Variants in DNAH8 observed in about 807,000 individuals in gnomAD.
DNAH8 encodes axonemal beta dynein heavy chain 8.
In DNAH8, 382 loss-of-function variants were observed where a neutral mutation model predicts 562.1. The ratio of observed to expected loss-of-function variants is 0.68; its 90% confidence interval spans 0.63 to 0.74. The LOEUF is 0.74. Among genes scored for constraint, DNAH8 ranks in the 30% least tolerant of loss-of-function variants. The probability of loss-of-function intolerance (pLI) is 0.00; values close to 1 mark genes in which losing one functional copy is unlikely to be tolerated. For missense variants in DNAH8, 5,203 were observed against 5,620.4 expected, an observed-to-expected ratio of 0.93 and a Z score of 2.37; for synonymous variants, 1,881 against 1,919.4, an observed-to-expected ratio of 0.98 and a Z score of 0.52.
chr6:38,855,067 A>C (rs1776082835), intron 41 of DNAH8, among the ~76,000 whole-genome samples: 2 of 150,538 alleles, frequency 1.3e-5, no homozygotes, highest in African/African-American at 2.4e-5. Flanking sequence ...GTATGTGTAT[A>C]TATACATGTA....
At chr6:38,758,253 A>G (rs970211163) in intron 10 of DNAH8, among the ~76,000 whole-genome samples, 3 of 151,874 alleles carry the variant, frequency 2.0e-5, no homozygotes, top group African/African-American at 7.3e-5. Flanking sequence ...CATCCCTTGT[A>G]AGTTGGATTC....
At chr6:38,926,300 TCTCC>T in intron 74 of DNAH8, 90 bp downstream of exon 74, 2 of 1,400,226 alleles carry the variant, frequency 1.4e-6, no homozygotes, top group Non-Finnish European at 1.9e-6. Context: ...AAAGTTGTCA[TCTCC>T]ATGACAAATG....
chr6:38,952,485 G>A (rs1313238007), intron 82 of DNAH8, among the ~76,000 whole-genome samples: 1 of 152,068 alleles, frequency 6.6e-6, no homozygotes, highest in Admixed American at 6.6e-5. Context: ...TACCTTGTAG[G>A]GTTAATCCAA....
Position 38,894,816 on chromosome 6 carries a change from C to T in DNAH8, c.8699C>T (p.Thr2900Ile), listed in dbSNP as rs1250776496. Residue 2900 changes from threonine (T) to isoleucine (I), a missense_variant, in exon 59 of 93, where the codon ACT becomes ATT. By Grantham distance (89) the Thr-to-Ile change is moderately conservative. Transcript: ENST00000327475. The part of the protein sequence containing the change: ...IKAEECASIP[T>I]LLSLFKHECS... ...GCTGAGGAGTGCGCTTCAATCCCTA[C>T]TCTCCTGTCCCTTTTCAAACACGAG... 1 of 1,614,116 alleles carries T rather than the reference C, an allele frequency of 6.2e-7. No individual in the cohort carries two copies. Among genetic ancestry groups the T allele is most frequent in the Admixed American group, 1.7e-5 (1 of 60,030 alleles).
At position 38,839,066 on chromosome 6, in the gene DNAH8, C is replaced by T. The variant is rs16891109; in HGVS notation, c.4466+1024C>T. Among the ~76,000 whole-genome samples the T allele has an allele frequency of 8.5e-3, 1,289 of 152,244 alleles. 21 individuals are homozygous for T. The highest frequency in any genetic ancestry group is 0.029 in the African/African-American group (1,199 of 41,536). On this transcript the variant is annotated intron_variant, in intron 33 of 92. Transcript: ENST00000327475. Reference sequence around the variant, plus strand: ...ATTCTCTTTCTAAAACAGTCATTCTCCAAACGTAATCCATTAGCCAATTGT... The same window carrying T: ...ATTCTCTTTCTAAAACAGTCATTCTTCAAACGTAATCCATTAGCCAATTGT...
In DNAH8 at chr6:38,883,441, AC is replaced by A; in HGVS notation, c.8123del (p.Pro2708GlnfsTer2). On this transcript the variant is annotated frameshift_variant, in exon 55 of 93. Transcript: ENST00000327475. LOFTEE classifies it high-confidence loss of function. ...KSLNFSSATEPMMFQRTIESY... is the reference protein window; with the variant it reads ...KSLNFSSATEXMMFQRTIESY... ...GTCTAAACTTTTCATCTGCCACAGA[AC>A]CAATGATGTTTCAGGTGAAATCCAT... The A allele has an allele frequency of 6.2e-7, 1 of 1,609,478 alleles. No individual in the cohort carries two copies. The highest frequency in any genetic ancestry group is 8.5e-7 in the Non-Finnish European group (1 of 1,178,332).
At position 39,012,309 on chromosome 6, in the gene DNAH8, T is replaced by C; in HGVS notation, c.13466T>C (p.Leu4489Pro). Reference protein sequence around the residue: ...IDRMQRVISILRSSLSDLKLA... With the variant: ...IDRMQRVISIPRSSLSDLKLA... ...AGAATGCAAAGAGTCATTTCAATAC[T>C]CCGCAGTAGCCTGAGTGATCTAAAA... Residue 4489 changes from leucine (L) to proline (P), a missense_variant, in exon 90 of 93, where the codon CTC becomes CCC. By Grantham distance (98) the Leu-to-Pro change is moderately conservative. Around this residue, in one of 6 missense-constraint regions of DNAH8, gnomAD observed 1,399 missense variants for 1,518.4 expected, o/e 0.92. Coordinates refer to ENST00000327475, the MANE Select transcript of DNAH8 (RefSeq NM_001206927.2). The C allele has an allele frequency of 6.2e-7, 1 of 1,613,466 alleles. No individual in the cohort carries two copies. The highest frequency in any genetic ancestry group is 8.5e-7 in the Non-Finnish European group (1 of 1,179,446).
chr6:39,008,735 A>G (rs1309195055), intron 88 of DNAH8, 79 bp from the exon 89 acceptor site: 8 of 639,724 alleles, frequency 1.3e-5, no homozygotes, highest in East Asian at 9.9e-5. Flanking sequence ...AAGTGATTCT[A>G]TCAGTTCATT....
chr6:38,780,098 T>A (rs1218825163), intron 15 of DNAH8, 33 bp downstream of exon 15: 4 of 1,587,682 alleles, frequency 2.5e-6, no homozygotes, highest in South Asian at 1.1e-5. Flanking sequence ...AAATGGTACA[T>A]TAGCACAAAA....
chr6:38,860,107 A>C (rs1051975127), intron 42 of DNAH8, among the ~76,000 whole-genome samples: 1 of 152,084 alleles, frequency 6.6e-6, no homozygotes, highest in Non-Finnish European at 1.5e-5. Flanking sequence ...TCTGGGTTTT[A>C]GTTGAGATGT....
intron 71 of DNAH8, 108 bp downstream of exon 71, chr6:38,921,614 G>A: frequency 8.0e-7 from 1 of 1,248,262 alleles, no homozygotes; most frequent in Non-Finnish European, 1.1e-6. Flanking sequence ...ATATTGGCCA[G>A]CATGCCTATC....
chr6:38,948,479 C>T (rs960618886), intron 80 of DNAH8, among the ~76,000 whole-genome samples: 7 of 152,160 alleles, frequency 4.6e-5, no homozygotes, highest in African/African-American at 1.7e-4. Context: ...GCTGGGATTA[C>T]AGGCATGTGC....
intron 31 of DNAH8, among the ~76,000 whole-genome samples, chr6:38,832,902 G>C (rs1414431271): frequency 2.6e-5 from 4 of 151,732 alleles, no homozygotes; most frequent in Non-Finnish European, 5.9e-5. Context: ...CAAAGGGTCT[G>C]GTTTTGTCTT....
intron 82 of DNAH8, among the ~76,000 whole-genome samples, chr6:38,957,449 T>TA (rs1340021156): frequency 6.6e-6 from 1 of 151,522 alleles, no homozygotes; most frequent in Non-Finnish European, 1.5e-5. Context: ...AAAGAAACAT[T>TA]AGAGTTAAAC....
chr6:38,977,771 C>T (rs1763768762), intron 85 of DNAH8, among the ~76,000 whole-genome samples: 1 of 152,094 alleles, frequency 6.6e-6, no homozygotes, highest in Non-Finnish European at 1.5e-5. Flanking sequence ...TTATTTTTTT[C>T]CTATTGATTG....
rs1026812761 is a variant in DNAH8 at position 38,935,666 on chromosome 6, T to C, written c.11532T>C (p.Asp3844=). The C allele has an allele frequency of 5.6e-6, 9 of 1,612,374 alleles. No homozygotes were observed. Among genetic ancestry groups the C allele is most frequent in the Non-Finnish European group, 3.4e-6 (4 of 1,179,118 alleles). ...FNKRKMKELE[D]NLLYKLSATK... The stretch of plus-strand genomic sequence containing the variant: ...AGCGGAAGATGAAAGAACTTGAAGA[T>C]AACCTCCTCTATAAATTAAGTGCTA... Residue 3844 remains aspartate (D), a synonymous_variant, in exon 77 of 93, where the codon GAT becomes GAC. Transcript: ENST00000327475.
At position 39,030,278 on chromosome 6, in the gene DNAH8, C is replaced by T. The variant is rs770060652; in HGVS notation, c.14010C>T (p.Tyr4670=). 1.2e-6 allele frequency: 2 copies of T among 1,614,160 alleles called. No individual in the cohort carries two copies. Among genetic ancestry groups the T allele is most frequent in the Admixed American group, 1.7e-5 (1 of 60,018 alleles). Residue 4670 remains tyrosine, a synonymous_variant, in exon 93 of 93, where the codon TAC becomes TAT. Transcript: ENST00000327475. The part of the protein sequence containing the change: ...KDPKLYVCPI[Y]KKPRRTDLTF... ...CCAAGCTGTATGTGTGTCCTATTTA[C>T]AAGAAACCCAGGCGAACTGATTTGA...
At position 39,030,517 on chromosome 6, in the gene DNAH8, T is replaced by A; in HGVS notation, c.*125T>A. 1.2e-6 allele frequency: 1 copy of A among 862,106 alleles called. No homozygotes were observed. Among genetic ancestry groups the A allele is most frequent in the Non-Finnish European group, 1.7e-6 (1 of 572,082 alleles). The allele number at this position is 862,106 out of a possible 1,614,324, so 53.4% of individuals were successfully genotyped here. A position where few individuals can be genotyped will look rare whatever the true frequency, so the allele number is the denominator to read the frequency against. On this transcript the variant is annotated 3_prime_UTR_variant, in exon 93 of 93. Coordinates refer to ENST00000327475, the MANE Select transcript of DNAH8 (RefSeq NM_001206927.2). ...AATTACTCTTTCTACATTAAAAAGT[T>A]GATGTTCTAAAATTGCTAGTGCGTG...
intron 42 of DNAH8, among the ~76,000 whole-genome samples, chr6:38,860,080 C>G (rs971684484): frequency 9.2e-5 from 14 of 152,190 alleles, no homozygotes; most frequent in Admixed American, 7.9e-4. Context: ...GTGGCCCTGG[C>G]TAATTCCTAC....
Sources: allele counts gnomAD v4.1 joint callset (sites outside exome capture counted in the v4.1 genomes callset), GRCh38; gene constraint gnomAD v4.1.1; regional missense constraint gnomAD v4.1.1; transcripts MANE v1.5; gene names NCBI Gene and HGNC (gene_info 2026-07-23, HGNC 2026-07-21).